ANO6: variants seen among roughly 807,000 people sequenced by gnomAD.
ANO6 encodes the protein anoctamin 6, also known as anoctamin-6.
ANO6 carries 106 observed loss-of-function variants against 117.5 expected under a neutral mutation model. The ratio of observed to expected loss-of-function variants is 0.90; its 90% CI spans 0.77 to 1.06. The LOEUF (loss-of-function observed/expected upper bound fraction) is 1.06, where lower values mean the gene tolerates loss of function less well. ANO6 is among the 50% of genes least tolerant of loss of function. The pLI, the probability that ANO6 is intolerant of heterozygous loss-of-function variation, is 0.00. For synonymous variants in ANO6, 367 were observed against 385.1 expected (o/e 0.95, Z 0.55); for missense variants, 955 against 1,121.1 (o/e 0.85, Z 2.12).
At chr12:45,305,858 G>T (rs190097821) in intron 2 of ANO6, among the ~76,000 whole-genome samples, 30 of 152,070 alleles carry the variant, frequency 2.0e-4, no homozygotes, top group African/African-American at 6.8e-4. Flanking sequence ...CTAAGGGGCA[G>T]TCATGGCGGG....
chr12:45,232,246 A>G (rs1250406871), intron 1 of ANO6, among the ~76,000 whole-genome samples: 2 of 152,322 alleles, frequency 1.3e-5, no homozygotes, highest in East Asian at 3.9e-4. Context: ...AAATGCATTC[A>G]TTTACCTGAT....
intron 1 of ANO6, among the ~76,000 whole-genome samples, chr12:45,226,885 AT>A (rs775879964): frequency 8.3e-4 from 126 of 151,562 alleles, no homozygotes; most frequent in Non-Finnish European, 1.1e-3. Flanking sequence ...ATTTGAAACA[AT>A]TGCATTGTTT....
At chr12:45,316,853 T>C (rs1264369354) in intron 2 of ANO6, among the ~76,000 whole-genome samples, 1 of 150,692 alleles carries the variant, frequency 6.6e-6, no homozygotes, top group Non-Finnish European at 1.5e-5. Flanking sequence ...ATTTTTAATA[T>C]TCTTACACTT....
chr12:45,327,531 A>C (rs1311561930), intron 2 of ANO6, among the ~76,000 whole-genome samples: 1 of 152,198 alleles, frequency 6.6e-6, no homozygotes, highest in Non-Finnish European at 1.5e-5. Flanking sequence ...TTCTGTGCTC[A>C]TCAGTGGAGG....
At chr12:45,408,487 G>A (rs1399297843) in intron 15 of ANO6, among the ~76,000 whole-genome samples, 1 of 152,182 alleles carries the variant, frequency 6.6e-6, no homozygotes, top group Non-Finnish European at 1.5e-5. Context: ...ACATAAAAAA[G>A]AGACAGTGGG....
In ANO6 at chr12:45,409,409, A is replaced by T; in HGVS notation, c.1933A>T (p.Ile645Leu). The part of the protein sequence containing the change: ...RFHRVSGSEK[I>L]TPRWEQDYHL... ...TCACAGAGTTTCTGGATCAGAAAAG[A>T]TAACCCCACGATGGGAACAGGACTA... Residue 645 changes from isoleucine to leucine, a missense_variant, in exon 16 of 20, where the codon ATA becomes TTA. Ile to Leu is a conservative substitution (Grantham distance 5, BLOSUM62 2). Coordinates refer to ENST00000320560, the MANE Select transcript of ANO6 (RefSeq NM_001025356.3). 2.5e-6 allele frequency: 4 copies of T among 1,614,100 alleles called. No individual in the cohort carries two copies. The highest frequency in any genetic ancestry group is 3.4e-6 in the Non-Finnish European group (4 of 1,179,958).
intron 19 of ANO6, among the ~76,000 whole-genome samples, chr12:45,428,763 A>T (rs987110029): frequency 6.6e-6 from 1 of 152,242 alleles, no homozygotes; most frequent in Non-Finnish European, 1.5e-5. Context: ...CAAGGCCATT[A>T]GAAAAAGAGA....
intron 8 of ANO6, among the ~76,000 whole-genome samples, chr12:45,361,766 C>T (rs886403563): frequency 2.0e-5 from 3 of 151,908 alleles, no homozygotes; most frequent in East Asian, 1.9e-4. Flanking sequence ...AGTTTTTGTT[C>T]GTTATTCTAT....
At chr12:45,399,850 A>G (rs1942737077) in intron 12 of ANO6, among the ~76,000 whole-genome samples, 1 of 152,244 alleles carries the variant, frequency 6.6e-6, no homozygotes, top group African/African-American at 2.4e-5. Context: ...TACTAAAGTT[A>G]TGATCAGAAA....
intron 2 of ANO6, among the ~76,000 whole-genome samples, chr12:45,324,070 T>G (rs1940379266): frequency 6.6e-6 from 1 of 151,834 alleles, no homozygotes; most frequent in African/African-American, 2.4e-5. Flanking sequence ...CCCGAGTAGC[T>G]GGGATTACAG....
At chr12:45,386,598 G>T (rs1942305663) in intron 10 of ANO6, among the ~76,000 whole-genome samples, 1 of 152,162 alleles carries the variant, frequency 6.6e-6, no homozygotes, top group African/African-American at 2.4e-5. Context: ...CCTGCCCCTA[G>T]TCTCACTCTA....
chr12:45,234,819 A>C (rs1258420059), intron 1 of ANO6, among the ~76,000 whole-genome samples: 1 of 152,002 alleles, frequency 6.6e-6, no homozygotes, highest in Non-Finnish European at 1.5e-5. Flanking sequence ...AGATGAGACA[A>C]TTCAGCATTT....
At chr12:45,400,420 G>T (rs1156555755) in intron 12 of ANO6, among the ~76,000 whole-genome samples, 1 of 152,166 alleles carries the variant, frequency 6.6e-6, no homozygotes, top group Non-Finnish European at 1.5e-5. Context: ...TCTCACAAGT[G>T]TTGAGACTTA....
intron 1 of ANO6, among the ~76,000 whole-genome samples, chr12:45,234,295 C>G (rs1448207459): frequency 6.6e-6 from 1 of 152,180 alleles, no homozygotes; most frequent in Non-Finnish European, 1.5e-5. Flanking sequence ...GATGAGTTTA[C>G]TGATGAGTGT....
intron 1 of ANO6, among the ~76,000 whole-genome samples, chr12:45,225,493 G>T (rs533159158): frequency 1.3e-5 from 2 of 151,758 alleles, no homozygotes; most frequent in East Asian, 1.9e-4. Flanking sequence ...GACATTTTTA[G>T]ATTTTTTTTT....
chr12:45,300,509 C>G (rs1389268220), intron 1 of ANO6, among the ~76,000 whole-genome samples: 1 of 152,076 alleles, frequency 6.6e-6, no homozygotes, highest in African/African-American at 2.4e-5. Flanking sequence ...TATACTTATT[C>G]CATACTCAAA....
In ANO6 at chr12:45,418,981, C is replaced by T. The variant is rs144057427; in HGVS notation, c.2217+2077C>T. Among the ~76,000 whole-genome samples, 162 of 152,172 alleles carry T rather than the reference C, an allele frequency of 1.1e-3. 1 individual carries two copies. The highest frequency in any genetic ancestry group is 3.8e-3 in the African/African-American group (157 of 41,518). On this transcript the variant is annotated intron_variant, in intron 17 of 19. Coordinates refer to ENST00000320560, the MANE Select transcript of ANO6 (RefSeq NM_001025356.3). ...CAAGCATTAAATGTGTGTCTTATTC[C>T]CTCAAACACCCAGTGTGTATCTCAC...
intron 10 of ANO6, among the ~76,000 whole-genome samples, chr12:45,378,398 C>A (rs1332859607): frequency 6.6e-6 from 1 of 152,084 alleles, no homozygotes; most frequent in Admixed American, 6.6e-5. Flanking sequence ...TCAGCTGACT[C>A]TCCAGTAAGC....
intron 2 of ANO6, among the ~76,000 whole-genome samples, chr12:45,329,469 G>A (rs1244907480): frequency 6.6e-6 from 1 of 152,110 alleles, no homozygotes; most frequent in East Asian, 1.9e-4. Flanking sequence ...CATCACACAT[G>A]GGAGGTTTGC....
Sources: allele counts gnomAD v4.1 joint callset (sites outside exome capture counted in the v4.1 genomes callset), GRCh38; gene constraint gnomAD v4.1.1; transcripts MANE v1.5; gene names NCBI Gene and HGNC (gene_info 2026-07-23, HGNC 2026-07-21).